KDM4C: variants seen among roughly 807,000 people sequenced by gnomAD.
KDM4C encodes lysine demethylase 4C, also known as lysine-specific demethylase 4C.
KDM4C carries 81 observed loss-of-function variants against 129.3 expected under a neutral mutation model. That is an observed-to-expected ratio of 0.63 (90% confidence interval 0.52 to 0.75). The LOEUF (loss-of-function observed/expected upper bound fraction) is 0.75. Among genes scored for constraint, KDM4C ranks in the 30% least tolerant of loss-of-function variants. KDM4C has a pLI of 0.00. For missense variants in KDM4C, 1,457 were observed against 1,304.0 expected, an observed-to-expected ratio of 1.12 and a Z score of -1.81; for synonymous variants, 573 against 456.1, an observed-to-expected ratio of 1.26 and a Z score of -3.26.
intron 2 of KDM4C, among the ~76,000 whole-genome samples, chr9:6,798,667 A>C (rs1295026967): frequency 3.3e-5 from 5 of 152,152 alleles, no homozygotes; most frequent in Non-Finnish European, 5.9e-5. Context: ...CAACCATCCG[A>C]TTTCTCAGTC....
At position 6,856,566 on chromosome 9, in the gene KDM4C, G is replaced by GTGTGTGTT. The variant is rs1554721100; in HGVS notation, c.629+6873_629+6874insTTGTGTGT. 3.8e-3 allele frequency among the ~76,000 whole-genome samples: 526 copies of GTGTGTGTT among 139,100 alleles called. 2 individuals are homozygous for GTGTGTGTT. Among genetic ancestry groups the GTGTGTGTT allele is most frequent in the African/African-American group, 0.014 (507 of 37,412 alleles). The allele number at this position is 139,100 out of a possible 152,430, so 91.3% of individuals were successfully genotyped here. Reference sequence around the variant, plus strand: ...TGTGTGTGTGTGTGTGTGTGTGTGTGTGTGTGTGTGTGTGTATTTTTTTTT... The same window carrying GTGTGTGTT: ...TGTGTGTGTGTGTGTGTGTGTGTGTGTGTGTGTTTGTGTGTGTGTGTGTATTTTTTTTT... On this transcript the variant is annotated intron_variant, in intron 5 of 21. Coordinates refer to ENST00000381309, the MANE Select transcript of KDM4C (RefSeq NM_015061.6).
At chr9:7,079,315 T>C (rs1269194208) in intron 17 of KDM4C, among the ~76,000 whole-genome samples, 1 of 151,894 alleles carries the variant, frequency 6.6e-6, no homozygotes, top group Non-Finnish European at 1.5e-5. Flanking sequence ...TCTACAAGAG[T>C]GACTTTGTTT....
chr9:6,834,850 G>A (rs1445856567), intron 4 of KDM4C: 10 of 1,371,896 alleles, frequency 7.3e-6, no homozygotes, highest in African/African-American at 2.9e-5. Context: ...CCCCAGCCAT[G>A]TACATGGCCA....
intron 12 of KDM4C, among the ~76,000 whole-genome samples, chr9:6,991,630 A>T (rs1818763839): frequency 1.3e-5 from 2 of 152,206 alleles, no homozygotes; most frequent in South Asian, 4.1e-4. Context: ...TAAGTGAGTA[A>T]CAAGAAGCTC....
intron 2 of KDM4C, among the ~76,000 whole-genome samples, chr9:6,794,902 G>A (rs559429242): frequency 1.1e-4 from 17 of 152,228 alleles, no homozygotes; most frequent in South Asian, 4.1e-4. Context: ...ATAATTCATC[G>A]TCCAACTTGA....
chr9:7,081,078 A>G (rs975166904), intron 17 of KDM4C, among the ~76,000 whole-genome samples: 8 of 152,216 alleles, frequency 5.3e-5, no homozygotes, highest in Non-Finnish European at 1.2e-4. Context: ...CCCTCTTAAA[A>G]TATTTGTAGA....
At chr9:6,998,578 CTG>C (rs1820190130) in intron 12 of KDM4C, among the ~76,000 whole-genome samples, 1 of 152,032 alleles carries the variant, frequency 6.6e-6, no homozygotes, top group African/African-American at 2.4e-5. Flanking sequence ...GGCGGATCAC[CTG>C]AGGTCAGGAG....
At chr9:7,036,925 C>G (rs572185592) in intron 15 of KDM4C, among the ~76,000 whole-genome samples, 76 of 152,268 alleles carry the variant, frequency 5.0e-4, no homozygotes, top group African/African-American at 1.5e-3. Context: ...GAATTCATTA[C>G]AGGTGAATTT....
chr9:7,143,973 C>T (rs1028878685), intron 19 of KDM4C, among the ~76,000 whole-genome samples: 6 of 152,174 alleles, frequency 3.9e-5, no homozygotes, highest in African/African-American at 1.4e-4. Context: ...GAAGCTGTAG[C>T]TTATGTGAAA....
intron 1 of KDM4C, among the ~76,000 whole-genome samples, chr9:6,748,093 G>A (rs887027797): frequency 1.3e-5 from 2 of 151,938 alleles, no homozygotes; most frequent in Non-Finnish European, 2.9e-5. Context: ...CTTAATCCGG[G>A]AGGCAGAGGT....
At chr9:6,917,892 G>T (rs1190098716) in intron 8 of KDM4C, among the ~76,000 whole-genome samples, 1 of 152,144 alleles carries the variant, frequency 6.6e-6, no homozygotes, top group Non-Finnish European at 1.5e-5. Context: ...GCAACTTGAA[G>T]ACCATTGTCC....
At chr9:6,773,726 G>A (rs1315764223) in intron 1 of KDM4C, among the ~76,000 whole-genome samples, 7 of 149,792 alleles carry the variant, frequency 4.7e-5, no homozygotes, top group Admixed American at 1.3e-4. Context: ...AGTCAAGATC[G>A]CACCATGGCA....
At chr9:7,019,717 AT>A (rs1824355932) in intron 15 of KDM4C, among the ~76,000 whole-genome samples, 1 of 112,754 alleles carries the variant, frequency 8.9e-6, no homozygotes, top group African/African-American at 3.8e-5. Context: ...ATATATAAAA[AT>A]ATAATATTTT....
chr9:7,173,563 T>G (rs1378543315), intron 21 of KDM4C, among the ~76,000 whole-genome samples: 1 of 152,136 alleles, frequency 6.6e-6, no homozygotes, highest in African/African-American at 2.4e-5. Flanking sequence ...ATTGCAGTGC[T>G]TTGCAGAGGT....
intron 8 of KDM4C, among the ~76,000 whole-genome samples, chr9:6,938,618 A>G (rs909946039): frequency 8.5e-5 from 13 of 152,154 alleles, no homozygotes; most frequent in Non-Finnish European, 1.8e-4. Context: ...CCTGATTTTT[A>G]TAGCTTCCCT....
rs530003217 is a variant in KDM4C, at chr9:7,146,500, A to G, written c.2781+18264A>G. Among the ~76,000 whole-genome samples the G allele has an allele frequency of 9.8e-4, 149 of 152,314 alleles. 1 individual carries two copies. The highest frequency in any genetic ancestry group is 3.5e-3 in the African/African-American group (147 of 41,564). On this transcript the variant is annotated intron_variant, in intron 19 of 21. Transcript: ENST00000381309. ...TGAAGCTCTCTGGAATATAGGAACC[A>G]TATAGTTGCCAATAATCTGTCAAAT...
chr9:7,068,182 G>A (rs913405298), intron 17 of KDM4C, among the ~76,000 whole-genome samples: 10 of 152,234 alleles, frequency 6.6e-5, no homozygotes, highest in South Asian at 2.1e-4. Context: ...TCTTTAAATA[G>A]CATACTATAT....
intron 17 of KDM4C, among the ~76,000 whole-genome samples, chr9:7,052,256 T>G (rs1209476895): frequency 1.3e-5 from 2 of 152,224 alleles, no homozygotes; most frequent in Non-Finnish European, 1.5e-5. Context: ...TAATCTCATT[T>G]AACAATTTAA....
intron 15 of KDM4C, among the ~76,000 whole-genome samples, chr9:7,024,508 G>A (rs1428762007): frequency 6.8e-6 from 1 of 147,724 alleles, no homozygotes; most frequent in Non-Finnish European, 1.5e-5. Flanking sequence ...AACAGTCCCT[G>A]GAGTGTGATG....
Sources: gnomAD v4.1 joint callset for allele counts (sites outside exome capture counted in the v4.1 genomes callset) on GRCh38, gnomAD v4.1.1 for gene constraint, MANE v1.5 for transcripts, NCBI Gene and HGNC (gene_info 2026-07-23, HGNC 2026-07-21) for gene names.